The following DIAPH3 variants were observed in gnomAD, a reference collection of about 807,000 sequenced individuals.
The protein encoded by DIAPH3 is protein diaphanous homolog 3.
A neutral mutation model predicts 144.3 loss-of-function variants in DIAPH3; 117 were observed. That is an observed-to-expected ratio of 0.81 (90% confidence interval 0.70 to 0.95). DIAPH3 has a LOEUF of 0.95. Ranked by LOEUF, DIAPH3 falls within the 40% of genes least tolerant of loss-of-function variation. The pLI is 0.00. For missense variants in DIAPH3, 1,421 were observed against 1,412.7 expected (o/e 1.01, Z -0.09); for synonymous variants, 519 against 488.9 (o/e 1.06, Z -0.81).
chr13:59,955,456 GC>G (rs1475314440), intron 17 of DIAPH3, among the ~76,000 whole-genome samples: 4 of 152,122 alleles, frequency 2.6e-5, no homozygotes, highest in African/African-American at 9.7e-5. Context: ...GGCCTTCCCA[GC>G]CATGTGGAAC....
intron 17 of DIAPH3, among the ~76,000 whole-genome samples, chr13:59,942,687 A>G (rs1472317459): frequency 1.3e-5 from 2 of 152,198 alleles, no homozygotes; most frequent in African/African-American, 4.8e-5. Flanking sequence ...GGCTACACAT[A>G]TAAGTGTATA....
intron 17 of DIAPH3, among the ~76,000 whole-genome samples, chr13:59,936,901 C>T (rs1358568553): frequency 1.3e-5 from 2 of 152,094 alleles, no homozygotes; most frequent in East Asian, 3.9e-4. Context: ...CGGTGGCTCA[C>T]GCCTATAATC....
At chr13:59,732,568 T>C (rs1378357946) in intron 27 of DIAPH3, among the ~76,000 whole-genome samples, 1 of 151,542 alleles carries the variant, frequency 6.6e-6, no homozygotes, top group Non-Finnish European at 1.5e-5. Flanking sequence ...CAGCCTCTCA[T>C]GTAGCTGGGA....
intron 3 of DIAPH3, 90 bp from the exon 4 acceptor site, chr13:60,093,822 G>T: frequency 1.2e-6 from 1 of 835,172 alleles, no homozygotes; most frequent in Non-Finnish European, 2.0e-6. Flanking sequence ...AATAATTTGT[G>T]ACTAAAGCAG....
intron 4 of DIAPH3, among the ~76,000 whole-genome samples, chr13:60,074,855 T>C (rs911330045): frequency 1.3e-5 from 2 of 152,200 alleles, no homozygotes; most frequent in African/African-American, 4.8e-5. Context: ...ACTGCATGAC[T>C]GTACTATAAA....
chr13:59,966,969 A>G (rs1267249062), intron 17 of DIAPH3, among the ~76,000 whole-genome samples: 1 of 152,196 alleles, frequency 6.6e-6, no homozygotes, highest in East Asian at 1.9e-4. Context: ...CTGGCTTGCG[A>G]AAGGGTGGAA....
intron 4 of DIAPH3, among the ~76,000 whole-genome samples, chr13:60,073,822 C>G (rs1195288480): frequency 6.6e-6 from 1 of 152,150 alleles, no homozygotes; most frequent in Non-Finnish European, 1.5e-5. Context: ...TGTGCTATTC[C>G]AAGTCACATT....
At chr13:59,884,283 C>T (rs974854454) in intron 20 of DIAPH3, among the ~76,000 whole-genome samples, 2 of 152,112 alleles carry the variant, frequency 1.3e-5, no homozygotes, top group Non-Finnish European at 2.9e-5. Context: ...GGAAAACAAG[C>T]TCAGGGCTCC....
At chr13:60,117,080 T>C (rs1034078036) in intron 2 of DIAPH3, among the ~76,000 whole-genome samples, 4 of 151,940 alleles carry the variant, frequency 2.6e-5, no homozygotes, top group African/African-American at 9.7e-5. Context: ...CTTTCAGGAG[T>C]AAAACTAGTA....
At chr13:59,701,044 C>T (rs2034084146) in intron 27 of DIAPH3, among the ~76,000 whole-genome samples, 1 of 152,082 alleles carries the variant, frequency 6.6e-6, no homozygotes, top group South Asian at 2.1e-4. Flanking sequence ...CACCATTTCT[C>T]TTACTGTATG....
chr13:60,018,285 C>T (rs997414668), intron 5 of DIAPH3, among the ~76,000 whole-genome samples: 2 of 152,150 alleles, frequency 1.3e-5, no homozygotes, highest in African/African-American at 4.8e-5. Flanking sequence ...GTTCATCAAA[C>T]TGCCTCACAC....
chr13:59,809,192 T>C (rs139625633), intron 25 of DIAPH3, among the ~76,000 whole-genome samples: 37 of 152,260 alleles, frequency 2.4e-4, no homozygotes, highest in East Asian at 2.3e-3. Context: ...TAGATAACTA[T>C]AGACAACGCT....
intron 4 of DIAPH3, among the ~76,000 whole-genome samples, chr13:60,074,474 C>G (rs1023126527): frequency 6.6e-6 from 1 of 152,120 alleles, no homozygotes; most frequent in African/African-American, 2.4e-5. Context: ...CTCTTTATAC[C>G]ACATTATCCT....
At chr13:59,674,902 T>A (rs1042801941) in intron 27 of DIAPH3, among the ~76,000 whole-genome samples, 6 of 152,210 alleles carry the variant, frequency 3.9e-5, no homozygotes, top group Admixed American at 1.3e-4. Context: ...CTAAAGTGTG[T>A]AATGGCTTGT....
In DIAPH3 at chr13:59,911,801, T is replaced by C; in HGVS notation, c.2301A>G (p.Leu767=). ...CACTCTTGAACTGAGACAATGAATT[T>C]AATTGCTCTTGATCAGGAAGATGCT... The part of the protein sequence containing the change: ...LIKHLPDQEQ[L]NSLSQFKSEY... Residue 767 remains leucine, a synonymous_variant, in exon 20 of 28, where the codon TTA becomes TTG. Coordinates refer to ENST00000400324, the MANE Select transcript of DIAPH3 (RefSeq NM_001042517.2). 1 of 1,613,460 alleles carries C rather than the reference T, an allele frequency of 6.2e-7. No homozygotes were observed. The highest frequency in any genetic ancestry group is 8.5e-7 in the Non-Finnish European group (1 of 1,179,548).
chr13:59,925,802 A>G (rs1370353887), intron 17 of DIAPH3, among the ~76,000 whole-genome samples: 9 of 152,042 alleles, frequency 5.9e-5, no homozygotes, highest in South Asian at 4.1e-4. Flanking sequence ...AGGTTTTCCA[A>G]TGTGTTGGCA....
chr13:60,003,386 C>T (rs2052639052), intron 9 of DIAPH3, among the ~76,000 whole-genome samples: 1 of 150,668 alleles, frequency 6.6e-6, no homozygotes, highest in African/African-American at 2.4e-5. Flanking sequence ...CTTAAATTAC[C>T]CAGAGTGATT....
intron 27 of DIAPH3, among the ~76,000 whole-genome samples, chr13:59,771,043 G>A (rs1252215943): frequency 6.6e-6 from 1 of 152,094 alleles, no homozygotes; most frequent in Non-Finnish European, 1.5e-5. Flanking sequence ...TGCTTCTGAA[G>A]TCCACTGAAG....
chr13:60,067,381 T>C (rs2057012179), intron 4 of DIAPH3, among the ~76,000 whole-genome samples: 2 of 152,178 alleles, frequency 1.3e-5, no homozygotes, highest in Admixed American at 6.5e-5. Flanking sequence ...AAGTCAAATA[T>C]ATACAGGCCT....
Sources: gnomAD v4.1 joint callset for allele counts (sites outside exome capture counted in the v4.1 genomes callset) on GRCh38, gnomAD v4.1.1 for gene constraint, MANE v1.5 for transcripts, NCBI Gene and HGNC (gene_info 2026-07-23, HGNC 2026-07-21) for gene names.